The following DRC8 variants were observed in gnomAD, a reference collection of about 807,000 sequenced individuals.
DRC8 encodes dynein regulatory complex subunit 8.
At chr1:245,016,155 ATT>A in the DRC8 span, among the ~76,000 whole-genome samples, 846 of 151,786 alleles carry the variant, frequency 5.6e-3, 11 homozygotes, top group African/African-American at 0.019. Flanking sequence ...CTAATTTTGT[ATT>A]TTTAGTAGAG....
the DRC8 span, among the ~76,000 whole-genome samples, chr1:244,999,888 C>T: frequency 3.3e-5 from 5 of 152,070 alleles, no homozygotes; most frequent in Non-Finnish European, 5.9e-5. Flanking sequence ...CTTGGATCTC[C>T]GCCCACTGCA....
chr1:245,124,533 C>T, the DRC8 span: 2 of 151,918 alleles, frequency 1.3e-5, no homozygotes, highest in African/African-American at 4.8e-5. Context: ...CACTTTGACC[C>T]ACTTCCTTGT....
chr1:245,057,654 G>A, the DRC8 span, among the ~76,000 whole-genome samples: 1 of 146,312 alleles, frequency 6.8e-6, no homozygotes, highest in African/African-American at 2.5e-5. Context: ...TTTTTTTTTG[G>A]TAATTAAAAA....
At chr1:245,047,176 T>G in the DRC8 span, among the ~76,000 whole-genome samples, 1 of 152,216 alleles carries the variant, frequency 6.6e-6, no homozygotes, top group Non-Finnish European at 1.5e-5. Flanking sequence ...CCCCTACCGT[T>G]GAAAACCCAC....
chr1:245,100,654 G>A, the DRC8 span, among the ~76,000 whole-genome samples: 5 of 151,634 alleles, frequency 3.3e-5, no homozygotes, highest in Admixed American at 1.3e-4. Context: ...GGTGGTGCAC[G>A]CCTGTAGTCC....
the DRC8 span, among the ~76,000 whole-genome samples, chr1:245,073,771 A>G: frequency 1.2e-4 from 18 of 152,204 alleles, no homozygotes; most frequent in Admixed American, 6.5e-4. Context: ...ATATAAAACT[A>G]AAACAAAGCT....
At chr1:245,071,231 T>C in the DRC8 span, among the ~76,000 whole-genome samples, 138 of 152,292 alleles carry the variant, frequency 9.1e-4, 1 homozygote, top group Middle Eastern at 0.01. Context: ...GCTGGAAGAC[T>C]TTGAGGTGTA....
At chr1:244,990,256 A>G in the DRC8 span, among the ~76,000 whole-genome samples, 1 of 152,214 alleles carries the variant, frequency 6.6e-6, no homozygotes, top group East Asian at 1.9e-4. Context: ...AGATATTTTG[A>G]GAGAGGCCAT....
At chr1:245,074,941 A>G in the DRC8 span, among the ~76,000 whole-genome samples, 1 of 43,458 alleles carries the variant, frequency 2.3e-5, no homozygotes, top group Non-Finnish European at 6.0e-5. Context: ...TTTACTACAA[A>G]CAGTTTTTAA....
chr1:245,011,514 A>G, the DRC8 span, among the ~76,000 whole-genome samples: 2 of 152,208 alleles, frequency 1.3e-5, no homozygotes, highest in Non-Finnish European at 2.9e-5. Context: ...TTTTGATTAG[A>G]AGGTTACTGT....
chr1:245,031,604 G>A, the DRC8 span, among the ~76,000 whole-genome samples: 1 of 152,186 alleles, frequency 6.6e-6, no homozygotes, highest in Non-Finnish European at 1.5e-5. Flanking sequence ...TGGATTTTAT[G>A]TGAGCCGTCT....
chr1:245,020,794 A>ATTTT, the DRC8 span, among the ~76,000 whole-genome samples: 114 of 125,948 alleles, frequency 9.1e-4, 1 homozygote, highest in African/African-American at 3.2e-3. Flanking sequence ...TAATTTTCGT[A>ATTTT]TTTTTTTTTT....
chr1:245,085,797 G>C, the DRC8 span, among the ~76,000 whole-genome samples: 2 of 152,196 alleles, frequency 1.3e-5, no homozygotes, highest in Non-Finnish European at 2.9e-5. Flanking sequence ...CATTTTGAGG[G>C]CACCCAAATA....
chr1:244,988,722 C>T, the DRC8 span, among the ~76,000 whole-genome samples: 1 of 152,176 alleles, frequency 6.6e-6, no homozygotes, highest in African/African-American at 2.4e-5. Flanking sequence ...TTTCTCTCAA[C>T]CAAATCTGTG....
At chr1:245,079,812 G>A in the DRC8 span, among the ~76,000 whole-genome samples, 2 of 152,184 alleles carry the variant, frequency 1.3e-5, no homozygotes, top group East Asian at 1.9e-4. Context: ...TTCCTCCTCC[G>A]GAGATAACCT....
chr1:245,054,517 A>G, the DRC8 span, among the ~76,000 whole-genome samples: 1 of 152,160 alleles, frequency 6.6e-6, no homozygotes, highest in Non-Finnish European at 1.5e-5. Flanking sequence ...AGCATCGGAA[A>G]GCCAAGGATG....
At chr1:244,992,919 T>C in the DRC8 span, among the ~76,000 whole-genome samples, 2 of 152,348 alleles carry the variant, frequency 1.3e-5, no homozygotes, top group African/African-American at 4.8e-5. Context: ...TAAGGGTCTC[T>C]CATAGTCTGG....
the DRC8 span, chr1:245,083,573 C>T: frequency 2.5e-6 from 4 of 1,588,598 alleles, no homozygotes; most frequent in Non-Finnish European, 3.4e-6. Flanking sequence ...TCATGTAGAA[C>T]TTATTCACCA....
chr1:245,091,964 G>A, the DRC8 span, among the ~76,000 whole-genome samples: 133 of 152,302 alleles, frequency 8.7e-4, no homozygotes, highest in Non-Finnish European at 1.6e-3. Flanking sequence ...CTTCCGCAGA[G>A]CCTGCCATAC....
Sources: allele counts gnomAD v4.1 joint callset (sites outside exome capture counted in the v4.1 genomes callset), GRCh38; gene constraint gnomAD v4.1.1; transcripts MANE v1.5; gene names NCBI Gene and HGNC (gene_info 2026-07-23, HGNC 2026-07-21).